Variants in RHOF observed in about 807,000 individuals in gnomAD.
The protein encoded by RHOF is rho-related GTP-binding protein RhoF.
A neutral mutation model predicts 22.2 loss-of-function variants in RHOF; 21 were observed. That is an observed-to-expected ratio of 0.95 (90% CI 0.67 to 1.36). The LOEUF is 1.36. Among genes scored for constraint, RHOF ranks in the 40% most tolerant of loss-of-function variants. RHOF has a pLI of 0.00. For synonymous variants in RHOF, 135 were observed against 131.2 expected, an observed-to-expected ratio of 1.03 and a Z score of -0.20; for missense variants, 285 against 293.7, an observed-to-expected ratio of 0.97 and a Z score of 0.22.
At chr12:121,783,269 T>C (rs1439887137) in intron 2 of RHOF, among the ~76,000 whole-genome samples, 1 of 149,338 alleles carries the variant, frequency 6.7e-6, no homozygotes, top group Non-Finnish European at 1.5e-5. Context: ...ACAAGTCATA[T>C]CCTGGCCCCC....
Position 121,779,357 on chromosome 12 carries a change from GT to G in RHOF, c.*140del, listed in dbSNP as rs1034092920. On this transcript the variant is annotated 3_prime_UTR_variant, in exon 5 of 5. Coordinates refer to ENST00000267205, the MANE Select transcript of RHOF (RefSeq NM_019034.3). ...AGAGCCCCAGCCAGGAAAGGAGAGA[GT>G]TCCAGAATGTTCCAAGAGTCTAGCC... The G allele has an allele frequency of 9.1e-6, 8 of 877,884 alleles. No individual in the cohort carries two copies. The African/African-American group carries it at 1.4e-4, about 15-fold the overall frequency. 54.4% of individuals were successfully genotyped at this position (877,884 alleles called of 1,614,324 possible).
intron 2 of RHOF, among the ~76,000 whole-genome samples, chr12:121,787,733 C>T (rs1271992401): frequency 6.6e-6 from 1 of 152,022 alleles, no homozygotes; most frequent in Non-Finnish European, 1.5e-5. Context: ...GAAACGCTGT[C>T]TCTACTAAAA....
intron 2 of RHOF, among the ~76,000 whole-genome samples, chr12:121,790,515 A>G (rs1874738696): frequency 6.6e-6 from 1 of 152,120 alleles, no homozygotes; most frequent in African/African-American, 2.4e-5. Flanking sequence ...CATTCATTCC[A>G]TCACCTTCCA....
intron 2 of RHOF, among the ~76,000 whole-genome samples, chr12:121,783,316 G>GCC (rs34610572): frequency 0.017 from 1,942 of 117,048 alleles, 67 homozygotes; most frequent in African/African-American, 0.034. Context: ...GCTCCCTATT[G>GCC]CCCCCCCCCC....
At chr12:121,784,010 G>C (rs559989947) in intron 2 of RHOF, among the ~76,000 whole-genome samples, 1 of 152,204 alleles carries the variant, frequency 6.6e-6, no homozygotes, top group African/African-American at 2.4e-5. Flanking sequence ...CCATCTCACT[G>C]TTTCTCAAAC....
At chr12:121,783,316 G>GCCCCCCCC (rs34610572) in intron 2 of RHOF, among the ~76,000 whole-genome samples, 2 of 117,082 alleles carry the variant, frequency 1.7e-5, no homozygotes, top group South Asian at 2.8e-4. Flanking sequence ...GCTCCCTATT[G>GCCCCCCCC]CCCCCCCCCC....
At position 121,793,174 on chromosome 12, in the gene RHOF, G is replaced by T. The variant is rs1344325377; in HGVS notation, c.204C>A (p.Thr68=). The T allele has an allele frequency of 6.4e-7, 1 of 1,550,594 alleles. No individual in the cohort carries two copies. The highest frequency in any genetic ancestry group is 2.4e-5 in the East Asian group (1 of 40,912). The change falls in exon 2 of 5, where the codon ACC becomes ACA. Residue 68 remains threonine (T), a synonymous_variant. Coordinates refer to ENST00000267205, the MANE Select transcript of RHOF (RefSeq NM_019034.3). The stretch of plus-strand genomic sequence containing the variant: ...CACCGGCCGTGTCGTAGAGGTTCAG[G>T]GTCACCTCCTTGCTGCCAACGGTCA... The part of the protein sequence containing the change: ...ASVTVGSKEV[T]LNLYDTAGQE...
chr12:121,779,749 ACT>A (rs1378909712), intron 4 of RHOF, 87 bp from the exon 5 acceptor site: 5 of 1,420,182 alleles, frequency 3.5e-6, no homozygotes, highest in Admixed American at 1.8e-5. Context: ...GGCTCTGAGG[ACT>A]CTGCAGGGAT....
At chr12:121,780,358 G>A (rs1488383827) in intron 4 of RHOF, 2 of 164,696 alleles carry the variant, frequency 1.2e-5, no homozygotes, top group African/African-American at 2.4e-5. Context: ...ATGCCCGGCC[G>A]GATTTGCCCT....
At chr12:121,789,958 G>A (rs1194492875) in intron 2 of RHOF, among the ~76,000 whole-genome samples, 2 of 152,002 alleles carry the variant, frequency 1.3e-5, no homozygotes, top group Non-Finnish European at 1.5e-5. Context: ...ACCTCACCCC[G>A]CCTCCCCCGG....
At chr12:121,780,835 G>T (rs764193476) in intron 4 of RHOF, 37 bp downstream of exon 4, 1 of 1,596,970 alleles carries the variant, frequency 6.3e-7, no homozygotes. Flanking sequence ...AGGCTTCACA[G>T]CCACGGCTGT....
chr12:121,780,714 G>T, intron 4 of RHOF, 158 bp downstream of exon 4: 1 of 826,534 alleles, frequency 1.2e-6, no homozygotes, highest in African/African-American at 1.7e-5. Flanking sequence ...AAAGTGCTCA[G>T]GTCCACAGGC....
intron 2 of RHOF, 73 bp downstream of exon 2, chr12:121,793,079 T>G (rs1442384946): frequency 2.3e-6 from 3 of 1,301,612 alleles, no homozygotes; most frequent in African/African-American, 1.5e-5. Flanking sequence ...GGACACCCAG[T>G]GGGGGACGCC....
rs754409438 is a variant in RHOF, at chr12:121,779,573, C to A, written c.561G>T (p.Glu187Asp). The stretch of plus-strand genomic sequence containing the variant: ...GAGCGCTGAGAGCCACCTTGGCGGC[C>A]TCCCGGAAGACGTCCTCCACATTCT... Reference protein sequence around the residue: ...FRENVEDVFREAAKVALSALK... With the variant: ...FRENVEDVFRDAAKVALSALK... The change falls in exon 5 of 5, where the codon GAG becomes GAT. Residue 187 changes from glutamate (E) to aspartate (D), a missense_variant. Coordinates refer to ENST00000267205, the MANE Select transcript of RHOF (RefSeq NM_019034.3). The A allele has an allele frequency of 6.2e-7, 1 of 1,614,158 alleles. No homozygotes were observed. The highest frequency in any genetic ancestry group is 8.5e-7 in the Non-Finnish European group (1 of 1,180,042).
At chr12:121,786,093 A>G (rs1874602897) in intron 2 of RHOF, among the ~76,000 whole-genome samples, 2 of 131,938 alleles carry the variant, frequency 1.5e-5, no homozygotes, top group Admixed American at 1.6e-4. Flanking sequence ...TTTTTTTTTT[A>G]TTTTTTTAAG....
Position 121,793,550 on chromosome 12 carries a change from G to A in RHOF, c.84C>T (p.Gly28=). The stretch of plus-strand genomic sequence containing the variant: ...TGAGCAGCGAGGTCTTGCCGCAGCC[G>A]CCGTCGCCCACGATCACGATCTTCA... ...KELKIVIVGD[G]GCGKTSLLMV... The change falls in exon 1 of 5, where the codon GGC becomes GGT. Residue 28 remains glycine (G), a synonymous_variant. Coordinates refer to ENST00000267205, the MANE Select transcript of RHOF (RefSeq NM_019034.3). The A allele has an allele frequency of 1.3e-6, 2 of 1,548,062 alleles. No homozygotes were observed. The highest frequency in any genetic ancestry group is 8.7e-7 in the Non-Finnish European group (1 of 1,149,494).
intron 2 of RHOF, among the ~76,000 whole-genome samples, chr12:121,790,012 A>C (rs2137505655): frequency 6.6e-6 from 1 of 152,244 alleles, no homozygotes; most frequent in African/African-American, 2.4e-5. Flanking sequence ...GCCTCAGAGG[A>C]TGTCAGGGCC....
intron 2 of RHOF, among the ~76,000 whole-genome samples, chr12:121,786,066 C>T (rs1197164034): frequency 6.6e-6 from 1 of 151,464 alleles, no homozygotes; most frequent in African/African-American, 2.4e-5. Flanking sequence ...CAGGCGCCCA[C>T]CACCACGCCC....
intron 2 of RHOF, among the ~76,000 whole-genome samples, chr12:121,783,781 T>A (rs1046486075): frequency 6.6e-6 from 1 of 152,114 alleles, no homozygotes; most frequent in Admixed American, 6.5e-5. Flanking sequence ...TTGTATTTTT[T>A]AAGTAGAGAT....
Sources: gnomAD v4.1 joint callset for allele counts (sites outside exome capture counted in the v4.1 genomes callset) on GRCh38, gnomAD v4.1.1 for gene constraint, MANE v1.5 for transcripts, NCBI Gene and HGNC (gene_info 2026-07-23, HGNC 2026-07-21) for gene names.